DHODH: variants seen among roughly 807,000 people sequenced by gnomAD.
DHODH encodes dihydroorotate dehydrogenase (quinone).
A neutral mutation model predicts 39.7 loss-of-function variants in DHODH; 30 were observed. That is an observed-to-expected ratio of 0.76 (90% confidence interval 0.57 to 1.02). DHODH has a LOEUF of 1.02. Among genes scored for constraint, DHODH ranks in the 50% least tolerant of loss-of-function variants. The pLI, the probability that DHODH is intolerant of heterozygous loss-of-function variation, is 0.00. For synonymous variants in DHODH, 222 were observed against 213.8 expected, an observed-to-expected ratio of 1.04 and a Z score of -0.34; for missense variants, 531 against 520.8, an observed-to-expected ratio of 1.02 and a Z score of -0.19.
At chr16:72,021,822 G>A (rs1597397482) in intron 5 of DHODH, among the ~76,000 whole-genome samples, 1 of 152,242 alleles carries the variant, frequency 6.6e-6, no homozygotes, top group African/African-American at 2.4e-5. Context: ...AATTAGCCAG[G>A]CACAGTGGCT....
chr16:72,017,528 TAAAG>T lies in DHODH; in HGVS notation c.517+429_517+432del, dbSNP rs2041154910. Among the ~76,000 whole-genome samples the T allele has an allele frequency of 3.9e-5, 6 of 152,154 alleles. No homozygotes were observed. In the South Asian group the frequency reaches 1.0e-3, roughly 26 times the overall value. ...AAGACTTAGTAAATACAGAGAAGCGTAAAGAAAGAATGTTCAAGAAACAGATACT... is the reference window on the plus strand; with the variant it reads ...AAGACTTAGTAAATACAGAGAAGCGTAAAGAATGTTCAAGAAACAGATACT... On this transcript the variant is annotated intron_variant, in intron 4 of 8. Coordinates refer to ENST00000219240, the MANE Select transcript of DHODH (RefSeq NM_001361.5).
rs371353207 is a variant in DHODH, at chr16:72,024,241, G to A, written c.*42G>A. The A allele has an allele frequency of 3.5e-4, 560 of 1,608,394 alleles. No individual in the cohort carries two copies. Among genetic ancestry groups the A allele is most frequent in the Non-Finnish European group, 4.6e-4 (537 of 1,175,280 alleles). On this transcript the variant is annotated 3_prime_UTR_variant, in exon 9 of 9. Transcript: ENST00000219240. ...GAAGCCTGATCTGGAACCTTCCCAAGGACTCAGGCAAGCCTTTGTGGCTGG... is the reference window on the plus strand; with the variant it reads ...GAAGCCTGATCTGGAACCTTCCCAAAGACTCAGGCAAGCCTTTGTGGCTGG...
rs1159498549 is a variant in DHODH, at chr16:72,013,457, A to G, written c.235-1016A>G. On this transcript the variant is annotated intron_variant, in intron 2 of 8. Transcript: ENST00000219240. Reference sequence around the variant, plus strand: ...CCTGACCTCTGAGGTGTTGTCCTCAACACCTCTGCGTGGGCCCACACTTGC... The same window carrying G: ...CCTGACCTCTGAGGTGTTGTCCTCAGCACCTCTGCGTGGGCCCACACTTGC... 3 of 152,196 alleles carry G rather than the reference A, an allele frequency of 2.0e-5. No homozygotes were observed. In the East Asian group the frequency reaches 5.8e-4, roughly 29 times the overall value. The allele number at this position is 152,196 out of a possible 1,614,324, so 9.4% of individuals were successfully genotyped here.
intron 4 of DHODH, chr16:72,020,381 T>C (rs2041198791): frequency 7.9e-6 from 1 of 126,676 alleles, no homozygotes; most frequent in African/African-American, 3.4e-5. Flanking sequence ...ATTTTTTTTT[T>C]TTTTCTTTTT....
chr16:72,020,488 T>C (rs1182008705), intron 4 of DHODH: 10 of 151,370 alleles, frequency 6.6e-5, no homozygotes, highest in Non-Finnish European at 1.3e-4. Flanking sequence ...CCCGAGCAGC[T>C]AGGACTACAG....
intron 1 of DHODH, among the ~76,000 whole-genome samples, chr16:72,011,584 T>C (rs1280572526): frequency 6.6e-6 from 1 of 152,194 alleles, no homozygotes; most frequent in African/African-American, 2.4e-5. Context: ...CAGTTTGTGT[T>C]TATGTGGTAA....
intron 1 of DHODH, chr16:72,009,012 G>C: frequency 6.9e-7 from 1 of 1,441,282 alleles, no homozygotes. Context: ...GGTGGGTGCT[G>C]ATCTGAGTGT....
chr16:72,014,735 A>T, intron 3 of DHODH, 63 bp downstream of exon 3: 1 of 1,498,232 alleles, frequency 6.7e-7, no homozygotes, highest in Non-Finnish European at 9.2e-7. Flanking sequence ...GTTCAGAGAT[A>T]TAAGATCTGC....
Position 72,021,214 on chromosome 16 carries a change from C to T in DHODH, c.608C>T (p.Pro203Leu). ...GCAGAAGGGGTGCGCGTACTGGGCCCCCTGGCCGACTACCTGGTGGTGAAT... is the reference window on the plus strand; with the variant it reads ...GCAGAAGGGGTGCGCGTACTGGGCCTCCTGGCCGACTACCTGGTGGTGAAT... ...DYAEGVRVLG[P>L]LADYLVVNVS... Residue 203 changes from proline (P) to leucine (L), a missense_variant, in exon 5 of 9, where the codon CCC (proline) becomes CTC (leucine). Pro to Leu is a moderately conservative substitution (Grantham distance 98, BLOSUM62 -3). Transcript: ENST00000219240. The T allele has an allele frequency of 6.2e-7, 1 of 1,612,042 alleles. No individual in the cohort carries two copies. The highest frequency in any genetic ancestry group is 2.2e-5 in the East Asian group (1 of 44,772).
At chr16:72,023,732 C>G in intron 8 of DHODH, 99 bp downstream of exon 8, 1 of 1,548,188 alleles carries the variant, frequency 6.5e-7, no homozygotes, top group South Asian at 1.1e-5. Flanking sequence ...CTTATTCATT[C>G]AAAAAGGAGT....
rs2041133966 is a variant in DHODH, at chr16:72,015,638, C to G, written c.434+966C>G. On this transcript the variant is annotated intron_variant, in intron 3 of 8. Transcript: ENST00000219240. ...TTCTTGTGCTTGTTTCAGGGAAATT[C>G]TCCAGCATTAGAGATCAAGTTATTG... 3 of 958,548 alleles carry G rather than the reference C, an allele frequency of 3.1e-6. 1 individual carries two copies. The South Asian group carries it at 1.5e-4, about 46-fold the overall frequency. 59.4% of individuals were successfully genotyped at this position (958,548 alleles called of 1,614,324 possible). A position where few individuals can be genotyped will look rare whatever the true frequency, so the allele number is the denominator to read the frequency against.
intron 2 of DHODH, 104 bp from the exon 3 acceptor site, chr16:72,014,369 C>T: frequency 8.3e-7 from 1 of 1,204,872 alleles, no homozygotes; most frequent in Non-Finnish European, 1.2e-6. Context: ...TCTGAGGTTT[C>T]ACAAGCTTCC....
At chr16:72,020,534 T>C (rs1284904372) in intron 4 of DHODH, 1 of 152,870 alleles carries the variant, frequency 6.5e-6, no homozygotes, top group African/African-American at 2.4e-5. Context: ...TTTTCAATTA[T>C]AGAGATAGGG....
chr16:72,023,263 G>C lies in DHODH; in HGVS notation c.918G>C (p.Lys306Asn). 6 of 1,614,236 alleles carry C rather than the reference G, an allele frequency of 3.7e-6. No homozygotes were observed. Among genetic ancestry groups the C allele is most frequent in the Non-Finnish European group, 5.1e-6 (6 of 1,180,044 alleles). ...LRSETGGLSG[K>N]PLRDLSTQTI... ...CTGAAACAGGAGGGCTGAGTGGGAA[G>C]CCCCTCCGGGATTTATCAACTCAAA... The change falls in exon 7 of 9, where the codon AAG (lysine) becomes AAC (asparagine). Residue 306 changes from lysine to asparagine, a missense_variant. By Grantham distance (94) the Lys-to-Asn change is moderately conservative. Coordinates refer to ENST00000219240, the MANE Select transcript of DHODH (RefSeq NM_001361.5).
chr16:72,008,836 G>A (rs376699089), intron 1 of DHODH, 51 bp downstream of exon 1: 2 of 1,552,062 alleles, frequency 1.3e-6, no homozygotes, highest in East Asian at 2.4e-5. Flanking sequence ...ACCGGGGAGG[G>A]CGAGAACGGA....
At chr16:72,022,963 C>A (rs992020157) in intron 6 of DHODH, among the ~76,000 whole-genome samples, 2 of 152,136 alleles carry the variant, frequency 1.3e-5, no homozygotes, top group African/African-American at 4.8e-5. Context: ...GGGTGGTCAG[C>A]GTGTGATGGC....
At chr16:72,012,513 C>A (rs1380750696) in intron 2 of DHODH, among the ~76,000 whole-genome samples, 1 of 152,202 alleles carries the variant, frequency 6.6e-6, no homozygotes, top group African/African-American at 2.4e-5. Flanking sequence ...GATCCTGTTA[C>A]CATCCCCAGC....
intron 4 of DHODH, chr16:72,020,357 GTATA>G (rs1158107708): frequency 3.7e-5 from 4 of 109,542 alleles, no homozygotes; most frequent in African/African-American, 1.8e-4. Context: ...ATATATATGT[GTATA>G]TATATATATA....
At chr16:72,018,560 T>C (rs2041169543) in intron 4 of DHODH, among the ~76,000 whole-genome samples, 3 of 152,180 alleles carry the variant, frequency 2.0e-5, no homozygotes, top group African/African-American at 7.2e-5. Context: ...CAGTGCAGTG[T>C]CCTGGCTTTA....
Sources: gnomAD v4.1 joint callset for allele counts (sites outside exome capture counted in the v4.1 genomes callset) on GRCh38, gnomAD v4.1.1 for gene constraint, MANE v1.5 for transcripts, NCBI Gene and HGNC (gene_info 2026-07-23, HGNC 2026-07-21) for gene names.